The following LRRC63 variants were observed in gnomAD, a reference collection of about 807,000 sequenced individuals.
LRRC63 encodes the protein leucine-rich repeat-containing protein 63.
A neutral mutation model predicts 49.5 loss-of-function variants in LRRC63; 40 were observed. The ratio of observed to expected loss-of-function variants is 0.81; its 90% CI spans 0.63 to 1.05. The LOEUF is 1.05. Ranked by LOEUF, LRRC63 falls within the 50% of genes least tolerant of loss-of-function variation. The pLI is 0.00. For missense variants in LRRC63, 636 were observed against 663.1 expected, an observed-to-expected ratio of 0.96 and a Z score of 0.45; for synonymous variants, 191 against 221.1, an observed-to-expected ratio of 0.86 and a Z score of 1.21.
chr13:46,228,975 G>A (rs539295898), intron 4 of LRRC63, among the ~76,000 whole-genome samples: 73 of 151,970 alleles, frequency 4.8e-4, no homozygotes, highest in Non-Finnish European at 9.1e-4. Flanking sequence ...TGGGTGGGGT[G>A]GACAGGCATA....
chr13:46,258,742 C>T (rs552639854), intron 7 of LRRC63, among the ~76,000 whole-genome samples: 89 of 141,266 alleles, frequency 6.3e-4, no homozygotes, highest in African/African-American at 2.3e-3. Flanking sequence ...AGGGGAGTTG[C>T]AGGTTGCAGT....
At chr13:46,262,917 T>A (rs1441231314) in intron 8 of LRRC63, among the ~76,000 whole-genome samples, 1 of 152,206 alleles carries the variant, frequency 6.6e-6, no homozygotes, top group African/African-American at 2.4e-5. Context: ...TTATTTTGTT[T>A]CCTAGGAACG....
At position 46,258,532 on chromosome 13, in the gene LRRC63, G is replaced by A. The variant is rs1207488766; in HGVS notation, c.1227-3377G>A. Among the ~76,000 whole-genome samples, 3 of 151,400 alleles carry A rather than the reference G, an allele frequency of 2.0e-5. No individual in the cohort carries two copies. The East Asian group carries it at 5.9e-4, about 30-fold the overall frequency. ...GGTAAGAAAATCTTGTAAATTGGCT[G>A]GGCATGGTGGCTCACGCCTGTAATC... On this transcript the variant is annotated intron_variant, in intron 7 of 9. Coordinates refer to ENST00000595396, the Ensembl canonical transcript of LRRC63.
chr13:46,270,067 T>C (rs922693824), intron 9 of LRRC63: 2 of 580,526 alleles, frequency 3.4e-6, no homozygotes, highest in African/African-American at 1.9e-5. Context: ...TGGTGGCGCC[T>C]GAGGTCACCA....
chr13:46,213,787 T>G (rs1250861014), intron 2 of LRRC63, among the ~76,000 whole-genome samples: 1 of 152,228 alleles, frequency 6.6e-6, no homozygotes, highest in East Asian at 1.9e-4. Flanking sequence ...ATGAAAATGT[T>G]GAAACCAGAG....
intron 3 of LRRC63, 24 bp downstream of exon 3, chr13:46,228,213 T>G: frequency 3.9e-5 from 58 of 1,485,532 alleles, no homozygotes; most frequent in Non-Finnish European, 5.1e-5. Flanking sequence ...GAACACGGTA[T>G]AATTATAGAG....
chr13:46,226,584 C>G (rs550895854), intron 2 of LRRC63, among the ~76,000 whole-genome samples: 38 of 152,220 alleles, frequency 2.5e-4, no homozygotes, highest in African/African-American at 8.9e-4. Context: ...TTCCTCTTCT[C>G]TATAAAAAGT....
rs187699018 is a variant in LRRC63 at position 46,267,962 on chromosome 13, A to T, written c.1550+990A>T. Reference sequence around the variant, plus strand: ...CGAACTAACTCTCCCAGCAGAAAAAAAGTGTTTGAGAGAAACATCCTTGAT... The same window carrying T: ...CGAACTAACTCTCCCAGCAGAAAAATAGTGTTTGAGAGAAACATCCTTGAT... On this transcript the variant is annotated intron_variant, in intron 9 of 9. Coordinates refer to ENST00000595396, the Ensembl canonical transcript of LRRC63. Among the ~76,000 whole-genome samples the T allele has an allele frequency of 2.0e-5, 3 of 152,322 alleles. No homozygotes were observed. The East Asian group carries it at 5.8e-4, about 29-fold the overall frequency.
chr13:46,239,687 G>GCAA (rs911638263), intron 5 of LRRC63, among the ~76,000 whole-genome samples: 7 of 151,214 alleles, frequency 4.6e-5, no homozygotes, highest in Admixed American at 3.9e-4. Flanking sequence ...CACAACAGCA[G>GCAA]CAACAACAAC....
chr13:46,226,505 T>C (rs1886041), intron 2 of LRRC63, among the ~76,000 whole-genome samples: 27,997 of 152,118 alleles, frequency 0.18, 3,846 homozygotes, highest in African/African-American at 0.39. Context: ...CATTTTGCTG[T>C]TCTACAAGTA....
At chr13:46,228,557 G>T in intron 3 of LRRC63, 108 bp from the exon 4 acceptor site, 3 of 693,132 alleles carry the variant, frequency 4.3e-6, no homozygotes, top group South Asian at 3.7e-5. Context: ...TATTTTCATG[G>T]ATAATTGGAA....
chr13:46,215,246 C>G (rs910606383), intron 2 of LRRC63, among the ~76,000 whole-genome samples: 4 of 152,194 alleles, frequency 2.6e-5, no homozygotes, highest in Non-Finnish European at 5.9e-5. Flanking sequence ...AAAAGTGTTC[C>G]TATTTCTCCA....
intron 7 of LRRC63, among the ~76,000 whole-genome samples, chr13:46,258,619 C>G (rs1022401658): frequency 6.0e-5 from 9 of 150,152 alleles, no homozygotes; most frequent in Non-Finnish European, 1.3e-4. Context: ...ACCATCCTGG[C>G]CAACATGGTG....
chr13:46,215,228 A>G (rs1388596232), intron 2 of LRRC63, among the ~76,000 whole-genome samples: 1 of 152,246 alleles, frequency 6.6e-6, no homozygotes, highest in Admixed American at 6.5e-5. Context: ...CATTCCCACC[A>G]ACAGTGTAAA....
intron 2 of LRRC63, among the ~76,000 whole-genome samples, chr13:46,223,954 T>C (rs990191249): frequency 4.6e-5 from 7 of 152,328 alleles, no homozygotes; most frequent in Middle Eastern, 3.4e-3. Flanking sequence ...GGTGACCAGA[T>C]GCTTTTCTCT....
Position 46,250,454 on chromosome 13 carries a change from A to T in LRRC63, c.1189A>T (p.Thr397Ser), listed in dbSNP as rs199500935. 3.8e-5 allele frequency: 58 copies of T among 1,536,920 alleles called. No individual in the cohort carries two copies. In the Admixed American group the frequency reaches 4.5e-4, roughly 12 times the overall value. The change falls in exon 7 of 10, where the codon ACC becomes TCC. Residue 397 changes from threonine to serine, a missense_variant. Physicochemically the swap from Thr to Ser is moderately conservative, Grantham distance 58. Transcript: ENST00000595396. ...ACAACTTGAGTTCCTTAGAATTTTC[A>T]CCATTGCTTTTAATTTAATTACTGT...
At chr13:46,261,308 C>T (rs995054961) in intron 7 of LRRC63, among the ~76,000 whole-genome samples, 2 of 152,180 alleles carry the variant, frequency 1.3e-5, no homozygotes, top group African/African-American at 4.8e-5. Context: ...TTTGCAGATG[C>T]AGTTAGTTAA....
intron 9 of LRRC63, among the ~76,000 whole-genome samples, chr13:46,274,898 T>C (rs932596923): frequency 6.6e-6 from 1 of 152,176 alleles, no homozygotes; most frequent in African/African-American, 2.4e-5. Context: ...AATAAATTAT[T>C]GTTAACTATA....
At chr13:46,242,152 A>G (rs1038702172) in intron 5 of LRRC63, among the ~76,000 whole-genome samples, 2 of 152,212 alleles carry the variant, frequency 1.3e-5, no homozygotes, top group South Asian at 4.1e-4. Flanking sequence ...GAACATGAGC[A>G]TGTCTTTTGT....
Sources: gnomAD v4.1 joint callset for allele counts (sites outside exome capture counted in the v4.1 genomes callset) on GRCh38, gnomAD v4.1.1 for gene constraint, MANE v1.5 for transcripts, NCBI Gene and HGNC (gene_info 2026-07-23, HGNC 2026-07-21) for gene names.